FOXN3: variants seen among roughly 807,000 people sequenced by gnomAD.
FOXN3 encodes forkhead box protein N3.
FOXN3 carries 7 observed loss-of-function variants against 38.4 expected under a neutral mutation model. The ratio of observed to expected loss-of-function variants is 0.18; its 90% CI spans 0.10 to 0.34. The LOEUF (loss-of-function observed/expected upper bound fraction) is 0.34, where lower values mean the gene tolerates loss of function less well. Ranked by LOEUF, FOXN3 falls within the 10% of genes least tolerant of loss-of-function variation. The probability of loss-of-function intolerance (pLI) is 1.00; values close to 1 mark genes in which losing one functional copy is unlikely to be tolerated. For missense variants in FOXN3, 456 were observed against 613.4 expected (o/e 0.74, Z 2.71); for synonymous variants, 230 against 242.2 (o/e 0.95, Z 0.47).
At chr14:89,189,305 C>T (rs1887885938) in intron 4 of FOXN3, among the ~76,000 whole-genome samples, 1 of 152,174 alleles carries the variant, frequency 6.6e-6, no homozygotes, top group African/African-American at 2.4e-5. Context: ...AGCATCCACT[C>T]CAAAGGCAGG....
chr14:89,377,791 C>T (rs1260961282), intron 2 of FOXN3, among the ~76,000 whole-genome samples: 6 of 152,168 alleles, frequency 3.9e-5, no homozygotes, highest in Non-Finnish European at 8.8e-5. Flanking sequence ...GCCCTGGCCC[C>T]GAGTACCTCA....
At chr14:89,608,675 C>A (rs188698792) in intron 1 of FOXN3, among the ~76,000 whole-genome samples, 2 of 152,124 alleles carry the variant, frequency 1.3e-5, no homozygotes, top group Non-Finnish European at 2.9e-5. Flanking sequence ...TGAGTTTGTT[C>A]CTCCTTCATA....
intron 4 of FOXN3, among the ~76,000 whole-genome samples, chr14:89,191,429 T>C (rs1043999341): frequency 6.6e-6 from 1 of 152,176 alleles, no homozygotes; most frequent in African/African-American, 2.4e-5. Context: ...AGTGTGCAAT[T>C]GAAGTCGACA....
intron 5 of FOXN3, among the ~76,000 whole-genome samples, chr14:89,165,662 G>C (rs1216318053): frequency 2.6e-5 from 4 of 152,198 alleles, no homozygotes; most frequent in African/African-American, 9.6e-5. Flanking sequence ...ATTACTTTGA[G>C]GTGTCACCAA....
chr14:89,336,513 AAGAACTCAGGCTATGGGGTC>A (rs1888465734), intron 3 of FOXN3, among the ~76,000 whole-genome samples: 1 of 152,226 alleles, frequency 6.6e-6, no homozygotes, highest in South Asian at 2.1e-4. Flanking sequence ...TTACCTTGAG[AAGAACTCAGGCTATGGGGTC>A]AGAACAGTCA....
chr14:89,422,147 C>T (rs1566650813), upstream of FOXN3, among the ~76,000 whole-genome samples: 1 of 152,232 alleles, frequency 6.6e-6, no homozygotes, highest in African/African-American at 2.4e-5. Flanking sequence ...GCTGGGATTA[C>T]AGGCATAAGC....
intron 2 of FOXN3, among the ~76,000 whole-genome samples, chr14:89,360,739 GCACCACCTC>G (rs1246556701): frequency 5.1e-4 from 33 of 64,998 alleles, no homozygotes; most frequent in East Asian, 3.8e-3. Flanking sequence ...ACCACCTCCA[GCACCACCTC>G]CACCACCACC....
At chr14:89,570,202 T>A (rs146176833) in intron 1 of FOXN3, among the ~76,000 whole-genome samples, 5,895 of 152,146 alleles carry the variant, frequency 0.039, 369 homozygotes, top group African/African-American at 0.13. Context: ...GGTTTCACCA[T>A]GTTAGCCAGG....
At chr14:89,327,721 G>A (rs908659475) in intron 3 of FOXN3, among the ~76,000 whole-genome samples, 2 of 152,120 alleles carry the variant, frequency 1.3e-5, no homozygotes, top group African/African-American at 4.8e-5. Flanking sequence ...TCTCCCCAAA[G>A]GCACAAATGA....
At chr14:89,467,350 G>C (rs751826882) in intron 1 of FOXN3, among the ~76,000 whole-genome samples, 1 of 152,188 alleles carries the variant, frequency 6.6e-6, no homozygotes, top group Non-Finnish European at 1.5e-5. Flanking sequence ...TTGTAGAAAA[G>C]GGGCTGGGAA....
chr14:89,345,790 G>T, intron 3 of FOXN3, among the ~76,000 whole-genome samples: 1 of 152,234 alleles, frequency 6.6e-6, no homozygotes, highest in East Asian at 1.9e-4. Flanking sequence ...GGGCACAGTG[G>T]CTCACGCCTG....
chr14:89,311,237 C>T (rs1227270152), intron 3 of FOXN3, among the ~76,000 whole-genome samples: 1 of 151,428 alleles, frequency 6.6e-6, no homozygotes, highest in Non-Finnish European at 1.5e-5. Context: ...TACCTGTAAT[C>T]CCAGCACTTT....
At chr14:89,568,777 A>G (rs1470183484) in intron 1 of FOXN3, among the ~76,000 whole-genome samples, 1 of 152,286 alleles carries the variant, frequency 6.6e-6, no homozygotes, top group African/African-American at 2.4e-5. Flanking sequence ...ATGAATAAAT[A>G]AAATGCTTAT....
At chr14:89,391,261 T>G (rs1401943433) in intron 2 of FOXN3, among the ~76,000 whole-genome samples, 2 of 152,100 alleles carry the variant, frequency 1.3e-5, no homozygotes, top group African/African-American at 4.8e-5. Context: ...GTCTCAGAAA[T>G]AAAATACGGT....
intron 2 of FOXN3, among the ~76,000 whole-genome samples, chr14:89,378,914 GC>G (rs1166565253): frequency 2.0e-5 from 3 of 152,008 alleles, no homozygotes; most frequent in African/African-American, 7.3e-5. Context: ...ACCATGTTGG[GC>G]AGGCTGGTCT....
intron 3 of FOXN3, among the ~76,000 whole-genome samples, chr14:89,308,315 A>G (rs1251047305): frequency 2.6e-5 from 4 of 152,222 alleles, no homozygotes; most frequent in African/African-American, 7.2e-5. Context: ...AAAAAATTGT[A>G]TATTTCTGTC....
At chr14:89,271,391 A>G (rs528553935) in intron 4 of FOXN3, among the ~76,000 whole-genome samples, 1 of 152,246 alleles carries the variant, frequency 6.6e-6, no homozygotes, top group Admixed American at 6.5e-5. Context: ...CTGCAGTGCA[A>G]TGTGATCCAA....
At chr14:89,430,047 T>C (rs1892123645) in intron 1 of FOXN3, among the ~76,000 whole-genome samples, 1 of 152,212 alleles carries the variant, frequency 6.6e-6, no homozygotes, top group South Asian at 2.1e-4. Flanking sequence ...TTCTCTGAGT[T>C]TTTTTCCATT....
intron 1 of FOXN3, among the ~76,000 whole-genome samples, chr14:89,566,173 C>G (rs184279836): frequency 2.9e-4 from 44 of 152,314 alleles, no homozygotes; most frequent in Non-Finnish European, 5.6e-4. Flanking sequence ...AAAACCTCAC[C>G]CATACACACT....
Sources: gnomAD v4.1 joint callset for allele counts (sites outside exome capture counted in the v4.1 genomes callset) on GRCh38, gnomAD v4.1.1 for gene constraint, MANE v1.5 for transcripts, NCBI Gene and HGNC (gene_info 2026-07-23, HGNC 2026-07-21) for gene names.